SLC35F2: variants seen among roughly 807,000 people sequenced by gnomAD.
The protein encoded by SLC35F2 is solute carrier family 35 member F2.
Under a neutral mutation model 38.1 loss-of-function variants are expected in SLC35F2, and 25 were observed. The ratio of observed to expected loss-of-function variants is 0.66; its 90% CI spans 0.48 to 0.92. The LOEUF is 0.92. Among genes scored for constraint, SLC35F2 ranks in the 40% least tolerant of loss-of-function variants. The pLI, the probability that SLC35F2 is intolerant of heterozygous loss-of-function variation, is 0.00. For missense variants in SLC35F2, 409 were observed against 452.9 expected (o/e 0.90, Z 0.88); for synonymous variants, 173 against 181.7 (o/e 0.95, Z 0.38).
At chr11:107,800,932 G>C (rs1258031615) in intron 7 of SLC35F2, among the ~76,000 whole-genome samples, 1 of 136,104 alleles carries the variant, frequency 7.3e-6, no homozygotes, top group Non-Finnish European at 1.5e-5. Flanking sequence ...TTTTGAGACG[G>C]AGTTGCTCGT....
At chr11:107,853,895 T>C (rs1414473493) in intron 1 of SLC35F2, among the ~76,000 whole-genome samples, 4 of 151,900 alleles carry the variant, frequency 2.6e-5, no homozygotes, top group Non-Finnish European at 4.4e-5. Context: ...ATAAAGTTGA[T>C]GGTTGTTACA....
At chr11:107,811,008 C>T in intron 3 of SLC35F2, 7 of 984,882 alleles carry the variant, frequency 7.1e-6, no homozygotes, top group Non-Finnish European at 8.4e-6. Flanking sequence ...CTAAACCTGG[C>T]ATTTGAGTCT....
chr11:107,794,330 T>C (rs951068240), intron 7 of SLC35F2, among the ~76,000 whole-genome samples: 2 of 152,114 alleles, frequency 1.3e-5, no homozygotes, highest in African/African-American at 4.8e-5. Context: ...CCGCTCGCCT[T>C]GGCCTCCCAA....
rs1859398996 is a variant in SLC35F2, at chr11:107,806,772, C to G, written c.519G>C (p.Leu173Phe). Residue 173 changes from leucine (L) to phenylalanine (F), a missense_variant, in exon 4 of 8, where the codon TTG (leucine) becomes TTC (phenylalanine). Coordinates refer to ENST00000525815, the MANE Select transcript of SLC35F2 (RefSeq NM_017515.5). ...IHFIAVAVCL[L>F]GVGTMVGADI... ...CTGCACCAACCATGGTTCCTACACC[C>G]AACAGACAGACAGCCACGGCGATGA... 1 of 1,614,056 alleles carries G rather than the reference C, an allele frequency of 6.2e-7. No individual in the cohort carries two copies. The highest frequency in any genetic ancestry group is 8.5e-7 in the Non-Finnish European group (1 of 1,179,938).
rs1859371994 is a variant in SLC35F2, at chr11:107,805,123, G to A, written c.731+236C>T. 6 of 985,214 alleles carry A rather than the reference G, an allele frequency of 6.1e-6. No homozygotes were observed. In the South Asian group the frequency reaches 1.9e-4, roughly 31 times the overall value. The allele number at this position is 985,214 out of a possible 1,614,324, so 61.0% of individuals were successfully genotyped here. On this transcript the variant is annotated intron_variant, in intron 5 of 7. Coordinates refer to ENST00000525815, the MANE Select transcript of SLC35F2 (RefSeq NM_017515.5). ...AAATGCCTCTACCACATGGTAATCA[G>A]GAATCCTAAGCAACACACATGTTTA... is the stretch of plus-strand genomic sequence containing the variant.
At chr11:107,857,202 C>G (rs911554404) in intron 1 of SLC35F2, among the ~76,000 whole-genome samples, 52 of 100,428 alleles carry the variant, frequency 5.2e-4, no homozygotes, top group African/African-American at 1.9e-3. Flanking sequence ...CGGACACGGA[C>G]GGAAGGAAGG....
At chr11:107,850,321 C>G (rs1439357419) in intron 1 of SLC35F2, among the ~76,000 whole-genome samples, 2 of 152,082 alleles carry the variant, frequency 1.3e-5, no homozygotes, top group East Asian at 1.9e-4. Flanking sequence ...GGATGGACCA[C>G]GGAACCACAG....
intron 3 of SLC35F2, chr11:107,810,776 A>G (rs1378745087): frequency 1.0e-6 from 1 of 980,478 alleles, no homozygotes; most frequent in Non-Finnish European, 1.2e-6. Context: ...CACACTGGAA[A>G]AATACTGAGT....
chr11:107,829,138 A>AAAAAAAAAAAAG (rs1859797237), intron 1 of SLC35F2, among the ~76,000 whole-genome samples: 1 of 129,392 alleles, frequency 7.7e-6, no homozygotes, highest in African/African-American at 3.3e-5. Context: ...AAAAAAAAAG[A>AAAAAAAAAAAAG]AAAAAAAAAA....
At chr11:107,794,850 G>A (rs766787124) in intron 7 of SLC35F2, among the ~76,000 whole-genome samples, 1 of 152,120 alleles carries the variant, frequency 6.6e-6, no homozygotes, top group Non-Finnish European at 1.5e-5. Flanking sequence ...AATAAATTAG[G>A]TAAAGTTGTA....
chr11:107,849,465 C>T (rs7102437), intron 1 of SLC35F2, among the ~76,000 whole-genome samples: 63,729 of 151,564 alleles, frequency 0.42, 13,478 homozygotes, highest in Admixed American at 0.53. Context: ...ATGGTGAAAC[C>T]CCGTCTCTAC....
At chr11:107,854,668 T>C (rs544844751) in intron 1 of SLC35F2, among the ~76,000 whole-genome samples, 1 of 152,128 alleles carries the variant, frequency 6.6e-6, no homozygotes, top group African/African-American at 2.4e-5. Context: ...TTCCTAATCA[T>C]AGAGAAAAGT....
chr11:107,805,024 T>G (rs1414065071), intron 5 of SLC35F2: 1 of 982,752 alleles, frequency 1.0e-6, no homozygotes, highest in East Asian at 1.1e-4. Context: ...GATATTATGC[T>G]TTGTTTTTGA....
chr11:107,855,382 G>A (rs1860260537), intron 1 of SLC35F2, among the ~76,000 whole-genome samples: 1 of 152,202 alleles, frequency 6.6e-6, no homozygotes, highest in Non-Finnish European at 1.5e-5. Flanking sequence ...GGCCAGGCGT[G>A]TGGCTCACAC....
At chr11:107,801,901 G>A (rs534478194) in intron 7 of SLC35F2, among the ~76,000 whole-genome samples, 13 of 152,128 alleles carry the variant, frequency 8.5e-5, no homozygotes, top group Non-Finnish European at 1.5e-4. Flanking sequence ...GTAAGTCACT[G>A]AGCTACACAT....
chr11:107,807,799 T>C (rs1473720406), intron 3 of SLC35F2, among the ~76,000 whole-genome samples: 1 of 152,176 alleles, frequency 6.6e-6, no homozygotes, highest in African/African-American at 2.4e-5. Flanking sequence ...GGTCTCGAAC[T>C]CCTGATGTCA....
chr11:107,846,664 G>C (rs1047307229), intron 1 of SLC35F2, among the ~76,000 whole-genome samples: 1 of 152,170 alleles, frequency 6.6e-6, no homozygotes, highest in African/African-American at 2.4e-5. Flanking sequence ...GGGAGCAGTG[G>C]CTCAAGCATG....
chr11:107,792,636 C>T lies in SLC35F2; in HGVS notation c.1104G>A (p.Glu368=), dbSNP rs1591181423. 6.8e-6 allele frequency: 11 copies of T among 1,612,206 alleles called. No individual in the cohort carries two copies. The highest frequency in any genetic ancestry group is 9.3e-6 in the Non-Finnish European group (11 of 1,179,336). ...LGLKLEENLQ[E]THSAVL ...CCAGCTACAAGACAGCAGAGTGGGT[C>T]TCCTGGAGGTTCTCCTCCAGCTTCA... is the stretch of plus-strand genomic sequence containing the variant. The change falls in exon 8 of 8, where the codon GAG becomes GAA. Residue 368 remains glutamate, a synonymous_variant. Transcript: ENST00000525815.
chr11:107,826,297 A>G (rs535017264), intron 1 of SLC35F2, among the ~76,000 whole-genome samples: 135 of 146,162 alleles, frequency 9.2e-4, no homozygotes, highest in Admixed American at 2.3e-3. Flanking sequence ...TTTTTTTGAG[A>G]TGCAGTTTTG....
Sources: allele counts gnomAD v4.1 joint callset (sites outside exome capture counted in the v4.1 genomes callset), GRCh38; gene constraint gnomAD v4.1.1; transcripts MANE v1.5; gene names NCBI Gene and HGNC (gene_info 2026-07-23, HGNC 2026-07-21).